RARB: variants seen among roughly 807,000 people sequenced by gnomAD.
RARB encodes retinoic acid receptor beta.
In RARB, 17 loss-of-function variants were observed where a neutral mutation model predicts 51.9. That is an observed-to-expected ratio of 0.33 (90% CI 0.22 to 0.49). RARB has a LOEUF of 0.49. RARB is among the 20% of genes least tolerant of loss of function. The pLI is 0.99. For synonymous variants in RARB, 215 were observed against 195.4 expected (o/e 1.10, Z -0.84); for missense variants, 369 against 550.8 (o/e 0.67, Z 3.30).
chr3:25,508,398 A>C (rs1424415456), intron 3 of RARB, among the ~76,000 whole-genome samples: 1 of 152,128 alleles, frequency 6.6e-6, no homozygotes, highest in African/African-American at 2.4e-5. Context: ...TTTACTGTTA[A>C]ACTTAGATTA....
At chr3:25,195,727 G>A (rs1198478040) in intron 5 of RARB, among the ~76,000 whole-genome samples, 1 of 151,992 alleles carries the variant, frequency 6.6e-6, no homozygotes, top group Non-Finnish European at 1.5e-5. Context: ...TTCCCAGAAT[G>A]AAAAGGGAAG....
chr3:25,150,558 G>C (rs957570099), intron 4 of RARB, among the ~76,000 whole-genome samples: 1 of 152,152 alleles, frequency 6.6e-6, no homozygotes, highest in Admixed American at 6.5e-5. Context: ...GTAAACTATG[G>C]ACAAGAAAGA....
chr3:25,190,758 C>A (rs1216600771), intron 5 of RARB, among the ~76,000 whole-genome samples: 1 of 152,076 alleles, frequency 6.6e-6, no homozygotes, highest in Non-Finnish European at 1.5e-5. Flanking sequence ...TCCTTGGCTA[C>A]TTATGTCGCG....
rs1698938758 is a variant in RARB at position 25,079,196 on chromosome 3, T to A, written c.-328+19020T>A. 2.0e-5 allele frequency among the ~76,000 whole-genome samples: 3 copies of A among 152,210 alleles called. No homozygotes were observed. In the South Asian group the frequency reaches 6.2e-4, roughly 32 times the overall value. On this transcript the variant is annotated intron_variant, in intron 3 of 11. Coordinates refer to the RARB transcript ENST00000383772. ...TTAATTTCTAATTATTTCTAATATT[T>A]GGAAATATAATTTATTTTTGCATAT...
chr3:25,085,871 C>A (rs1355929719), intron 3 of RARB, among the ~76,000 whole-genome samples: 1 of 152,154 alleles, frequency 6.6e-6, no homozygotes, highest in Admixed American at 6.6e-5. Flanking sequence ...GTAGGCTAAG[C>A]TGCTGTAACA....
At chr3:25,118,357 C>T (rs1376176203) in intron 3 of RARB, among the ~76,000 whole-genome samples, 4 of 152,110 alleles carry the variant, frequency 2.6e-5, no homozygotes, top group Admixed American at 1.3e-4. Context: ...TCATGATCTG[C>T]CATCTATCCC....
chr3:25,336,396 T>G (rs1705064181), intron 5 of RARB, among the ~76,000 whole-genome samples: 1 of 152,196 alleles, frequency 6.6e-6, no homozygotes, highest in South Asian at 2.1e-4. Flanking sequence ...TTTTAGGTGC[T>G]TTTAGAGTTC....
chr3:24,948,286 G>A (rs1356450584), intron 2 of RARB, among the ~76,000 whole-genome samples: 1 of 152,172 alleles, frequency 6.6e-6, no homozygotes, highest in East Asian at 1.9e-4. Flanking sequence ...GGAGTCAGAT[G>A]GAGATACAGG....
intron 5 of RARB, among the ~76,000 whole-genome samples, chr3:25,249,978 G>A (rs902390085): frequency 1.4e-5 from 1 of 69,832 alleles, no homozygotes; most frequent in Non-Finnish European, 2.6e-5. Context: ...ACAGTGGTGG[G>A]CTCGGTGGGT....
At chr3:25,352,647 T>C (rs1382839717) in intron 5 of RARB, among the ~76,000 whole-genome samples, 1 of 152,230 alleles carries the variant, frequency 6.6e-6, no homozygotes, top group Admixed American at 6.5e-5. Context: ...TATTGCTCAT[T>C]TTTCTCAAAA....
chr3:24,898,924 A>G (rs909950626), intron 2 of RARB, among the ~76,000 whole-genome samples: 1 of 152,206 alleles, frequency 6.6e-6, no homozygotes, highest in Non-Finnish European at 1.5e-5. Context: ...GCTCTTCTCC[A>G]TAAACTTCTA....
chr3:25,459,789 CTT>C (rs2125553424), intron 1 of RARB, among the ~76,000 whole-genome samples: 2 of 152,248 alleles, frequency 1.3e-5, no homozygotes, highest in African/African-American at 4.8e-5. Context: ...CAACTGGAAA[CTT>C]TATATTCTGG....
chr3:24,945,489 C>A (rs568692108), intron 2 of RARB, among the ~76,000 whole-genome samples: 1 of 152,174 alleles, frequency 6.6e-6, no homozygotes, highest in Non-Finnish European at 1.5e-5. Context: ...TTGGGGCCCA[C>A]CTATTTAGCT....
At chr3:25,413,711 A>G (rs1007806466) in intron 5 of RARB, among the ~76,000 whole-genome samples, 12 of 151,844 alleles carry the variant, frequency 7.9e-5, no homozygotes, top group African/African-American at 2.9e-4. Context: ...GTGTCGTGCT[A>G]TTGCATTGTG....
At chr3:25,098,384 G>A (rs942417685) in intron 3 of RARB, among the ~76,000 whole-genome samples, 3 of 152,150 alleles carry the variant, frequency 2.0e-5, no homozygotes, top group African/African-American at 7.2e-5. Flanking sequence ...TCTCTATCGT[G>A]CTGTATTATT....
chr3:24,848,789 CTT>C (rs1192885368), intron 1 of RARB, among the ~76,000 whole-genome samples: 1 of 152,218 alleles, frequency 6.6e-6, no homozygotes, highest in African/African-American at 2.4e-5. Context: ...TAGAGAGTTA[CTT>C]AAAGGAAAAT....
At chr3:24,920,720 C>G (rs1001855613) in intron 2 of RARB, among the ~76,000 whole-genome samples, 6 of 152,172 alleles carry the variant, frequency 3.9e-5, no homozygotes, top group Non-Finnish European at 8.8e-5. Context: ...GGCTTCCATT[C>G]TGTCCTCAGT....
intron 5 of RARB, among the ~76,000 whole-genome samples, chr3:25,419,207 T>TTATG (rs1559392834): frequency 2.0e-5 from 3 of 152,260 alleles, no homozygotes; most frequent in Non-Finnish European, 4.4e-5. Flanking sequence ...TGTTCCTTTC[T>TTATG]TATGTATACA....
chr3:24,899,694 A>G (rs1253628921), intron 2 of RARB, among the ~76,000 whole-genome samples: 8 of 152,218 alleles, frequency 5.3e-5, no homozygotes, highest in Non-Finnish European at 8.8e-5. Context: ...ATGAGCCTTC[A>G]ATGAAAGTGA....
Sources: allele counts gnomAD v4.1 joint callset (sites outside exome capture counted in the v4.1 genomes callset), GRCh38; gene constraint gnomAD v4.1.1; transcripts MANE v1.5; gene names NCBI Gene and HGNC (gene_info 2026-07-23, HGNC 2026-07-21).